Variants in SERF2 observed in about 807,000 individuals in gnomAD.
SERF2 encodes small EDRK-rich factor 2, also known as gastric cancer-related protein VRG107.
Under a neutral mutation model 10.7 loss-of-function variants are expected in SERF2, and 4 were observed. The observed-to-expected ratio is 0.37, with a 90% confidence interval of 0.18 to 0.86. SERF2 has a LOEUF of 0.86. Among genes scored for constraint, SERF2 ranks in the 40% least tolerant of loss-of-function variants. The pLI is 0.43. For missense variants in SERF2, 47 were observed against 79.1 expected, an observed-to-expected ratio of 0.59 and a Z score of 1.54; for synonymous variants, 26 against 26.0, an observed-to-expected ratio of 1.00 and a Z score of 0.01.
upstream of SERF2, among the ~76,000 whole-genome samples, chr15:43,791,106 C>T (rs1193289772): frequency 2.0e-5 from 3 of 151,430 alleles, no homozygotes; most frequent in Non-Finnish European, 4.4e-5. Flanking sequence ...TGCAGTCTCG[C>T]TCTGTCGCCC....
chr15:43,787,006 T>G (rs2087012957), intron 2 of SERF2, among the ~76,000 whole-genome samples: 1 of 23,532 alleles, frequency 4.2e-5, no homozygotes, highest in Non-Finnish European at 2.0e-4. Flanking sequence ...GTTTTTTTGT[T>G]TTTTTTTTTT....
At chr15:43,781,592 CTTT>C (rs565641402) in intron 1 of SERF2, among the ~76,000 whole-genome samples, 14 of 134,530 alleles carry the variant, frequency 1.0e-4, no homozygotes, top group Non-Finnish European at 1.6e-4. Flanking sequence ...TGCATTTTTC[CTTT>C]TTTTTTTTTT....
At chr15:43,782,238 A>T (rs1055659215) in intron 1 of SERF2, among the ~76,000 whole-genome samples, 8 of 152,320 alleles carry the variant, frequency 5.3e-5, no homozygotes, top group East Asian at 1.9e-4. Flanking sequence ...CCCCCAAAAT[A>T]TGCATGTACT....
intron 1 of SERF2, among the ~76,000 whole-genome samples, chr15:43,784,919 A>G (rs1216632450): frequency 6.9e-6 from 1 of 144,102 alleles, no homozygotes; most frequent in African/African-American, 2.6e-5. Flanking sequence ...CGCTTGGCTA[A>G]TTTTTGTATT....
rs965557379 is a variant in SERF2, at chr15:43,780,143, T to C, written c.-527+2641T>C. 3.3e-5 allele frequency among the ~76,000 whole-genome samples: 5 copies of C among 152,130 alleles called. No individual in the cohort carries two copies. In the East Asian group the frequency reaches 9.6e-4, roughly 29 times the overall value. On this transcript the variant is annotated intron_variant, in intron 1 of 4. Transcript: ENST00000381359. Reference sequence around the variant, plus strand: ...TGCAAATTTAAAAAATGTTTATTTATTTTCTTTTTTTGGAGGCCAGAGTTT... The same window carrying C: ...TGCAAATTTAAAAAATGTTTATTTACTTTCTTTTTTTGGAGGCCAGAGTTT...
At chr15:43,788,207 C>T (rs148938795), upstream of SERF2, among the ~76,000 whole-genome samples, 12 of 151,192 alleles carry the variant, frequency 7.9e-5, no homozygotes, top group African/African-American at 2.4e-4. Flanking sequence ...GACGGGGTCT[C>T]ACTATATTGC....
chr15:43,783,766 AT>A (rs879841830), intron 1 of SERF2, among the ~76,000 whole-genome samples: 1,797 of 143,094 alleles, frequency 0.013, 22 homozygotes, highest in African/African-American at 0.039. Context: ...TATCTGGCTA[AT>A]TTTTTTTTTT....
Position 43,794,107 on chromosome 15 carries a change from T to TTTTGGTGGGAAAGGG in SERF2, c.*334_*335insTTTGGTGGGAAAGGG. On this transcript the variant is annotated 3_prime_UTR_variant, in exon 3 of 3. Coordinates refer to ENST00000249786, the MANE Select transcript of SERF2 (RefSeq NM_001018108.4). ...TGGGGTTGGAAGAATGACTGCCCTT[T>TTTTGGTGGGAAAGGG]CCCACCAAAAAAGGGAGAACTCTTT... is the stretch of plus-strand genomic sequence containing the variant. The TTTTGGTGGGAAAGGG allele has an allele frequency of 1.2e-6, 1 of 812,694 alleles. No individual in the cohort carries two copies. The highest frequency in any genetic ancestry group is 1.9e-6 in the Non-Finnish European group (1 of 536,464). The allele number at this position is 812,694 out of a possible 1,614,324, so 50.3% of individuals were successfully genotyped here.
intron 1 of SERF2, among the ~76,000 whole-genome samples, chr15:43,783,927 A>ATTTTTTTTTTTTTTTTTTTT (rs71111825): frequency 4.2e-5 from 2 of 48,150 alleles, no homozygotes; most frequent in Non-Finnish European, 7.4e-5. Context: ...ACGCCCAGCT[A>ATTTTTTTTTTTTTTTTTTTT]TTTTTTTTTT....
rs1210847608 is a variant in SERF2, at chr15:43,795,766, G to A, written c.*1993G>A. 1 of 1,608,236 alleles carries A rather than the reference G, an allele frequency of 6.2e-7. No homozygotes were observed. Among genetic ancestry groups the A allele is most frequent in the Non-Finnish European group, 8.5e-7 (1 of 1,176,358 alleles). ...AAAACAGAACGCAGGTTTTGGAATG[G>A]TCTTAAAAGATGTGAGGGTGTTAAT... On this transcript the variant is annotated 3_prime_UTR_variant, in exon 3 of 3. Transcript: ENST00000249786.
At chr15:43,791,887 G>T (rs1381821186), upstream of SERF2, 1 of 169,784 alleles carries the variant, frequency 5.9e-6, no homozygotes, top group Admixed American at 5.8e-5. Flanking sequence ...CTGAGAGGTG[G>T]TCCTAAGTAA....
At chr15:43,784,653 A>G (rs1345138103) in intron 1 of SERF2, among the ~76,000 whole-genome samples, 1 of 151,684 alleles carries the variant, frequency 6.6e-6, no homozygotes, top group African/African-American at 2.4e-5. Flanking sequence ...TATTTTTAGT[A>G]GAGACAGGGT....
Position 43,793,266 on chromosome 15 carries a change from A to G in SERF2, c.116+183A>G. On this transcript the variant is annotated intron_variant, in intron 2 of 2. Coordinates refer to ENST00000249786, the MANE Select transcript of SERF2 (RefSeq NM_001018108.4). ...AATTGTTAGCTCACAGCCTTACAGG[A>G]AAGGACGGGGGCGGGCGCCTGCCCT... 4 of 583,064 alleles carry G rather than the reference A, an allele frequency of 6.9e-6. No individual in the cohort carries two copies. In the South Asian group the frequency reaches 9.3e-5, roughly 13 times the overall value. The allele number at this position is 583,064 out of a possible 1,614,324, so 36.1% of individuals were successfully genotyped here. A position where few individuals can be genotyped will look rare whatever the true frequency, so the allele number is the denominator to read the frequency against.
At chr15:43,784,964 G>A (rs1007408852) in intron 1 of SERF2, among the ~76,000 whole-genome samples, 3 of 138,718 alleles carry the variant, frequency 2.2e-5, no homozygotes, top group African/African-American at 8.1e-5. Flanking sequence ...TGTTGGCCAG[G>A]CTGGTCTTGA....
In SERF2 at chr15:43,792,334, C is replaced by T. The variant is rs1401357928; in HGVS notation, c.-43C>T. On this transcript the variant is annotated 5_prime_UTR_variant, in exon 1 of 3. The change creates a new upstream start codon in the 5' untranslated region. Coordinates refer to ENST00000249786, the MANE Select transcript of SERF2 (RefSeq NM_001018108.4). ...GCGGGACCTGCAACGTCCGACAGAACGAGGGGACGTAACGGAGGCAGGTTG... is the reference window on the plus strand; with the variant it reads ...GCGGGACCTGCAACGTCCGACAGAATGAGGGGACGTAACGGAGGCAGGTTG... 1 of 1,518,784 alleles carries T rather than the reference C, an allele frequency of 6.6e-7. No homozygotes were observed. The highest frequency in any genetic ancestry group is 9.1e-7 in the Non-Finnish European group (1 of 1,093,152). 94.1% of individuals were successfully genotyped at this position (1,518,784 alleles called of 1,614,324 possible).
upstream of SERF2, chr15:43,792,160 G>GCGCTCCGCCTGCGA: frequency 1.7e-6 from 1 of 597,988 alleles, no homozygotes; most frequent in South Asian, 1.9e-5. Context: ...CCCACGCTGA[G>GCGCTCCGCCTGCGA]CGCTCCGCCT....
intron 1 of SERF2, among the ~76,000 whole-genome samples, chr15:43,783,927 ATTTTTTTT>A (rs71111825): frequency 6.0e-3 from 291 of 48,144 alleles, no homozygotes; most frequent in Admixed American, 9.0e-3. Context: ...ACGCCCAGCT[ATTTTTTTT>A]TTTTTTTTTT....
chr15:43,780,315 A>AT (rs57338507), intron 1 of SERF2, among the ~76,000 whole-genome samples: 24,326 of 151,048 alleles, frequency 0.16, 2,558 homozygotes, highest in African/African-American at 0.29. Flanking sequence ...AATTTTTTGT[A>AT]TTTTTTTTAG....
chr15:43,787,950 CT>C (rs1366347399), upstream of SERF2, among the ~76,000 whole-genome samples: 1 of 150,140 alleles, frequency 6.7e-6, no homozygotes, highest in East Asian at 2.0e-4. Context: ...TCATGGCTCA[CT>C]GCAACCTCCT....
Sources: allele counts gnomAD v4.1 joint callset (sites outside exome capture counted in the v4.1 genomes callset), GRCh38; gene constraint gnomAD v4.1.1; transcripts MANE v1.5; gene names NCBI Gene and HGNC (gene_info 2026-07-23, HGNC 2026-07-21).